Variants in ZNF865 observed in about 807,000 individuals in gnomAD.
ZNF865 encodes zinc finger protein 865.
For synonymous variants in ZNF865, 763 were observed against 750.8 expected (o/e 1.02, Z -0.27); for missense variants, 1,311 against 1,593.4 (o/e 0.82, Z 3.02).
intron 1 of ZNF865, among the ~76,000 whole-genome samples, chr19:55,606,612 C>G (rs2123580215): frequency 6.6e-6 from 1 of 152,362 alleles, no homozygotes; most frequent in South Asian, 2.1e-4. Context: ...AACTGTTGCC[C>G]TGACCTGCAG....
In ZNF865 at chr19:55,616,321, G is replaced by A; in HGVS notation, c.2703G>A (p.Glu901=). 6.6e-7 allele frequency: 1 copy of A among 1,522,548 alleles called. No individual in the cohort carries two copies. Among genetic ancestry groups the A allele is most frequent in the Non-Finnish European group, 8.8e-7 (1 of 1,140,052 alleles). The allele number at this position is 1,522,548 out of a possible 1,614,324, so 94.3% of individuals were successfully genotyped here. Residue 901 remains glutamate, a synonymous_variant, in exon 2 of 2, where the codon GAG becomes GAA. Coordinates refer to ENST00000568956, the MANE Select transcript of ZNF865 (RefSeq NM_001195605.2). Reference sequence around the variant, plus strand: ...AGCACCGCGTGGTGCACACTGGCGAGCGGGCCTTCAAGTGCGGCGTGTGCG... The same window carrying A: ...AGCACCGCGTGGTGCACACTGGCGAACGGGCCTTCAAGTGCGGCGTGTGCG... The part of the protein sequence containing the change: ...LRQHRVVHTG[E]RAFKCGVCAK...
chr19:55,616,241 C>T lies in ZNF865; in HGVS notation c.2623C>T (p.Pro875Ser). The change falls in exon 2 of 2, where the codon CCG becomes TCG. Residue 875 changes from proline to serine, a missense_variant. Transcript: ENST00000568956. ...RHQRCHTEQR[P>S]YRCGVCGRGF... ...CCAGCGCTGCCACACGGAACAGCGGCCGTACCGATGTGGCGTGTGCGGCCG... is the reference window on the plus strand; with the variant it reads ...CCAGCGCTGCCACACGGAACAGCGGTCGTACCGATGTGGCGTGTGCGGCCG... The T allele has an allele frequency of 6.6e-7, 1 of 1,525,270 alleles. No homozygotes were observed. The highest frequency in any genetic ancestry group is 8.8e-7 in the Non-Finnish European group (1 of 1,140,690). The allele number at this position is 1,525,270 out of a possible 1,614,324, so 94.5% of individuals were successfully genotyped here.
intron 1 of ZNF865, among the ~76,000 whole-genome samples, chr19:55,612,197 C>T (rs1981162477): frequency 6.6e-6 from 1 of 152,288 alleles, no homozygotes. Context: ...AATCTCCCTG[C>T]GGTATAGGGG....
rs1341122981 is a variant in ZNF865, at chr19:55,611,480, C to T, written c.-26-2113C>T. 1.3e-5 allele frequency among the ~76,000 whole-genome samples: 2 copies of T among 152,200 alleles called. No homozygotes were observed. Among genetic ancestry groups the T allele is most frequent in the Non-Finnish European group, 2.9e-5 (2 of 68,026 alleles). ...ACCTACAGCCTTCCAATTACCACCC[C>T]AGCCAAGCCTGTCCTCTTTCCGGAG... On this transcript the variant is annotated intron_variant, in intron 1 of 1. Transcript: ENST00000568956. This position sits in a 1 kb window ranked among gnomAD's most constrained non-coding sequence, Gnocchi z 4.5.
chr19:55,613,819 G>GGCCCCCCCCCCCCCCCCC lies in ZNF865; in HGVS notation c.201_202insGCCCCCCCCCCCCCCCCC (p.Gln67_Pro68insAlaProProProProPro). On this transcript the variant is annotated inframe_insertion, in exon 2 of 2. Coordinates refer to ENST00000568956, the MANE Select transcript of ZNF865 (RefSeq NM_001195605.2). ...CCTGCGCCCCCGGCCCCCCGCCGCAGCCCCCGCCGCAGCCCCCTCCCCCGC... is the reference window on the plus strand; with the variant it reads ...CCTGCGCCCCCGGCCCCCCGCCGCAGGCCCCCCCCCCCCCCCCCCCCCCGCCGCAGCCCCCTCCCCCGC... 1 of 988,314 alleles carries GGCCCCCCCCCCCCCCCCC rather than the reference G, an allele frequency of 1.0e-6. No homozygotes were observed. Among genetic ancestry groups the GGCCCCCCCCCCCCCCCCC allele is most frequent in the Non-Finnish European group, 1.2e-6 (1 of 800,510 alleles). The allele number at this position is 988,314 out of a possible 1,614,324, so 61.2% of individuals were successfully genotyped here.
intron 1 of ZNF865, among the ~76,000 whole-genome samples, chr19:55,612,337 G>A (rs1005947132): frequency 6.6e-6 from 1 of 152,050 alleles, no homozygotes; most frequent in Non-Finnish European, 1.5e-5. Context: ...CAGCCCCCTT[G>A]CTGGAATTTG....
At position 55,615,196 on chromosome 19, in the gene ZNF865, C is replaced by T; in HGVS notation, c.1578C>T (p.His526=). The T allele has an allele frequency of 1.4e-6, 2 of 1,417,322 alleles. No individual in the cohort carries two copies. Among genetic ancestry groups the T allele is most frequent in the Non-Finnish European group, 1.8e-6 (2 of 1,097,358 alleles). The allele number at this position is 1,417,322 out of a possible 1,614,324, so 87.8% of individuals were successfully genotyped here. A position where few individuals can be genotyped will look rare whatever the true frequency, so the allele number is the denominator to read the frequency against. ...GAVPVPLLGA[H]PLLLGGAGTS... Reference sequence around the variant, plus strand: ...TGCCCGTCCCGCTCCTGGGCGCCCACCCGCTGCTGCTCGGCGGCGCGGGGA... The same window carrying T: ...TGCCCGTCCCGCTCCTGGGCGCCCATCCGCTGCTGCTCGGCGGCGCGGGGA... The change falls in exon 2 of 2, where the codon CAC becomes CAT. Residue 526 remains histidine, a synonymous_variant. Coordinates refer to ENST00000568956, the MANE Select transcript of ZNF865 (RefSeq NM_001195605.2).
chr19:55,612,090 C>T (rs1981158304), intron 1 of ZNF865, among the ~76,000 whole-genome samples: 1 of 152,080 alleles, frequency 6.6e-6, no homozygotes, highest in Non-Finnish European at 1.5e-5. Flanking sequence ...TAGGCTTAGC[C>T]CAGGTGTGTG....
At position 55,616,632 on chromosome 19, in the gene ZNF865, G is replaced by A. The variant is rs1568527292; in HGVS notation, c.3014G>A (p.Arg1005His). 2.0e-6 allele frequency: 3 copies of A among 1,527,002 alleles called. No individual in the cohort carries two copies. The highest frequency in any genetic ancestry group is 1.2e-5 in the South Asian group (1 of 83,262). 94.6% of individuals were successfully genotyped at this position (1,527,002 alleles called of 1,614,324 possible). Residue 1005 changes from arginine (R) to histidine (H), a missense_variant, in exon 2 of 2, where the codon CGT (arginine) becomes CAT (histidine). Transcript: ENST00000568956. Reference sequence around the variant, plus strand: ...GCCTTCAAGGATCCCGGCTACTTCCGTAAGCACCTGGCTGCCCACCAGGGC... The same window carrying A: ...GCCTTCAAGGATCCCGGCTACTTCCATAAGCACCTGGCTGCCCACCAGGGC... ...LKAFKDPGYFRKHLAAHQGGR... is the reference protein window; with the variant it reads ...LKAFKDPGYFHKHLAAHQGGR...
In ZNF865 at chr19:55,614,570, G is replaced by T; in HGVS notation, c.952G>T (p.Ala318Ser). 6.7e-7 allele frequency: 1 copy of T among 1,501,100 alleles called. No homozygotes were observed. Among genetic ancestry groups the T allele is most frequent in the Non-Finnish European group, 8.8e-7 (1 of 1,131,320 alleles). The allele number at this position is 1,501,100 out of a possible 1,614,324, so 93.0% of individuals were successfully genotyped here. A position where few individuals can be genotyped will look rare whatever the true frequency, so the allele number is the denominator to read the frequency against. ...CTCCACGGTGTCCTCGGGCCCTCCA[G>T]CCACGCCCGTGGCGCCTGCCCCCTC... ...APSTVSSGPP[A>S]TPVAPAPSAD... Residue 318 changes from alanine (A) to serine (S), a missense_variant, in exon 2 of 2, where the codon GCC (alanine) becomes TCC (serine). Transcript: ENST00000568956. The surrounding 1 kb of genome is among the most constrained non-coding windows in gnomAD (Gnocchi z 8.0).
intron 1 of ZNF865, among the ~76,000 whole-genome samples, chr19:55,607,409 C>T (rs1300398869): frequency 2.1e-5 from 3 of 141,862 alleles, no homozygotes; most frequent in East Asian, 2.1e-4. Flanking sequence ...AGACCAACCT[C>T]GGCAACATAG....
rs1446491924 is a variant in ZNF865, at chr19:55,616,153, G to A, written c.2535G>A (p.Lys845=). The A allele has an allele frequency of 6.6e-7, 1 of 1,505,354 alleles. No homozygotes were observed. Among genetic ancestry groups the A allele is most frequent in the Admixed American group, 2.1e-5 (1 of 47,536 alleles). The allele number at this position is 1,505,354 out of a possible 1,614,324, so 93.2% of individuals were successfully genotyped here. A position where few individuals can be genotyped will look rare whatever the true frequency, so the allele number is the denominator to read the frequency against. Residue 845 remains lysine (K), a synonymous_variant, in exon 2 of 2, where the codon AAG becomes AAA. Coordinates refer to ENST00000568956, the MANE Select transcript of ZNF865 (RefSeq NM_001195605.2). ...TACACCGCCGCAGCCATCGGCAGAA[G>A]CGGGGTTTCCGCTGCCCGGTGTGCG... ...LLLHRRSHRQ[K]RGFRCPVCGK...
rs1325676459 is a variant in ZNF865 at position 55,613,890 on chromosome 19, T to G, written c.272T>G (p.Val91Gly). 4 of 1,401,550 alleles carry G rather than the reference T, an allele frequency of 2.9e-6. No homozygotes were observed. Among genetic ancestry groups the G allele is most frequent in the Non-Finnish European group, 2.8e-6 (3 of 1,063,184 alleles). 86.8% of individuals were successfully genotyped at this position (1,401,550 alleles called of 1,614,324 possible). A position where few individuals can be genotyped will look rare whatever the true frequency, so the allele number is the denominator to read the frequency against. ...TCCACCTTCAAGCCCAAGGCGGAGG[T>G]GCCCTCCTCGTCCTCGTCCTCGTCC... ...PQSTFKPKAE[V>G]PSSSSSSSSS... The change falls in exon 2 of 2, where the codon GTG (valine) becomes GGG (glycine). Residue 91 changes from valine (V) to glycine (G), a missense_variant. Transcript: ENST00000568956.
Position 55,614,905 on chromosome 19 carries a change from C to T in ZNF865, c.1287C>T (p.His429=). Residue 429 remains histidine, a synonymous_variant, in exon 2 of 2, where the codon CAC becomes CAT. Coordinates refer to ENST00000568956, the MANE Select transcript of ZNF865 (RefSeq NM_001195605.2). This position sits in a 1 kb window ranked among gnomAD's most constrained non-coding sequence, Gnocchi z 8.0. ...ACCTCCTCAAGCACCAGGCGGCCCA[C>T]GCGGGGGCGGGCGCCGGGGGGCCTC... ...ASYLLKHQAA[H]AGAGAGGPRP... 1 of 1,488,490 alleles carries T rather than the reference C, an allele frequency of 6.7e-7. No individual in the cohort carries two copies. Among genetic ancestry groups the T allele is most frequent in the East Asian group, 2.5e-5 (1 of 39,490 alleles). The allele number at this position is 1,488,490 out of a possible 1,614,324, so 92.2% of individuals were successfully genotyped here.
chr19:55,609,621 C>G (rs1005292401), intron 1 of ZNF865, among the ~76,000 whole-genome samples: 7 of 152,220 alleles, frequency 4.6e-5, no homozygotes, highest in African/African-American at 1.7e-4. Context: ...GCCACATGAC[C>G]TTGGAGGAAT....
intron 1 of ZNF865, among the ~76,000 whole-genome samples, chr19:55,610,271 T>C (rs967963506): frequency 1.3e-5 from 2 of 152,252 alleles, no homozygotes; most frequent in Non-Finnish European, 2.9e-5. Flanking sequence ...TGTTTGTTTG[T>C]GTTTTTGAGA....
At position 55,613,660 on chromosome 19, in the gene ZNF865, G is replaced by C; in HGVS notation, c.42G>C (p.Gly14=). ...NPAGSGAGGG[G]SSGIGGEDGV... is the part of the protein sequence containing the mutation. ...CGGGCAGCGGCGCCGGGGGTGGCGG[G>C]AGCAGCGGCATCGGGGGCGAGGACG... Residue 14 remains glycine, a synonymous_variant, in exon 2 of 2, where the codon GGG becomes GGC. Coordinates refer to ENST00000568956, the MANE Select transcript of ZNF865 (RefSeq NM_001195605.2). The C allele has an allele frequency of 6.5e-7, 1 of 1,528,508 alleles. No individual in the cohort carries two copies. The highest frequency in any genetic ancestry group is 8.7e-7 in the Non-Finnish European group (1 of 1,143,428). The allele number at this position is 1,528,508 out of a possible 1,614,324, so 94.7% of individuals were successfully genotyped here.
In ZNF865 at chr19:55,614,307, A is replaced by G. The variant is rs1243788851; in HGVS notation, c.689A>G (p.Gln230Arg). ...MERRFPCGVC[Q>R]KSFKQSSHLV... ...CGGCGCTTCCCCTGCGGCGTGTGCC[A>G]GAAGTCCTTCAAGCAGTCCTCGCAC... The change falls in exon 2 of 2, where the codon CAG (glutamine) becomes CGG (arginine). Residue 230 changes from glutamine (Q) to arginine (R), a missense_variant. Coordinates refer to ENST00000568956, the MANE Select transcript of ZNF865 (RefSeq NM_001195605.2). The surrounding 1 kb of genome is among the most constrained non-coding windows in gnomAD (Gnocchi z 8.0). The G allele has an allele frequency of 2.7e-6, 4 of 1,507,820 alleles. No individual in the cohort carries two copies. Among genetic ancestry groups the G allele is most frequent in the South Asian group, 1.2e-5 (1 of 81,352 alleles). 93.4% of individuals were successfully genotyped at this position (1,507,820 alleles called of 1,614,324 possible). A position where few individuals can be genotyped will look rare whatever the true frequency, so the allele number is the denominator to read the frequency against.
chr19:55,607,748 C>G (rs904456501), intron 1 of ZNF865, among the ~76,000 whole-genome samples: 2 of 152,196 alleles, frequency 1.3e-5, no homozygotes, highest in Non-Finnish European at 2.9e-5. Context: ...TCCTGGACAA[C>G]TGTGGCCCAC....
Sources: gnomAD v4.1 joint callset for allele counts (sites outside exome capture counted in the v4.1 genomes callset) on GRCh38, gnomAD v4.1.1 for gene constraint, Gnocchi (gnomAD v3.1) non-coding constraint, MANE v1.5 for transcripts, NCBI Gene and HGNC (gene_info 2026-07-23, HGNC 2026-07-21) for gene names.